Variants in DPYD observed in about 807,000 individuals in gnomAD.
DPYD encodes the protein dihydropyrimidine dehydrogenase [NADP(+)].
Under a neutral mutation model 116.2 loss-of-function variants are expected in DPYD, and 109 were observed. That is an observed-to-expected ratio of 0.94 (90% confidence interval 0.80 to 1.10). The LOEUF is 1.10. Ranked by LOEUF, DPYD falls within the 50% of genes least tolerant of loss-of-function variation. The pLI, the probability that DPYD is intolerant of heterozygous loss-of-function variation, is 0.00. For missense variants in DPYD, 1,302 were observed against 1,254.5 expected (o/e 1.04, Z -0.57); for synonymous variants, 440 against 432.0 (o/e 1.02, Z -0.23).
rs78501878 is a variant in DPYD at position 97,678,614 on chromosome 1, A to G, written c.850+481T>C. On this transcript the variant is annotated intron_variant, in intron 8 of 22. Coordinates refer to ENST00000370192, the MANE Select transcript of DPYD (RefSeq NM_000110.4). ...ACAGTGAGTGCCTCAGGAGTAATAC[A>G]CTGTCTATGGGACTTTCAGAACACT... 9.8e-5 allele frequency among the ~76,000 whole-genome samples: 15 copies of G among 152,334 alleles called. No homozygotes were observed. The East Asian group carries it at 2.7e-3, about 27-fold the overall frequency.
chr1:97,842,268 A>G (rs1286469770), intron 2 of DPYD, among the ~76,000 whole-genome samples: 2 of 151,986 alleles, frequency 1.3e-5, no homozygotes, highest in Non-Finnish European at 2.9e-5. Flanking sequence ...CTGAATAGCT[A>G]TATTGTTATC....
In DPYD at chr1:97,305,316, C is replaced by T. The variant is rs1404230861; in HGVS notation, c.2242G>A (p.Gly748Ser). 2 of 1,612,416 alleles carry T rather than the reference C, an allele frequency of 1.2e-6. No individual in the cohort carries two copies. Among genetic ancestry groups the T allele is most frequent in the Admixed American group, 3.3e-5 (2 of 59,834 alleles). ...VSGLMGLKSD[G>S]TPWPAVGIAK... is the part of the protein sequence containing the mutation. ...ATCCCCACTGCTGGCCAAGGTGTGC[C>T]ATCAGATTTTAATCCCATCAGACCT... Residue 748 changes from glycine to serine, a missense_variant, in exon 18 of 23, where the codon GGC (glycine) becomes AGC (serine). Transcript: ENST00000370192.
chr1:97,903,344 A>G (rs553284746), intron 1 of DPYD, among the ~76,000 whole-genome samples: 2 of 152,050 alleles, frequency 1.3e-5, no homozygotes, highest in East Asian at 3.9e-4. Context: ...CGAATGAATG[A>G]TAACCCCCTA....
intron 20 of DPYD, among the ~76,000 whole-genome samples, chr1:97,154,534 A>G (rs778157489): frequency 6.7e-6 from 1 of 148,174 alleles, no homozygotes; most frequent in Non-Finnish European, 1.5e-5. Flanking sequence ...AGGTGGGTAC[A>G]TTACTGGAGG....
chr1:97,362,973 A>G (rs2101439947), intron 16 of DPYD, among the ~76,000 whole-genome samples: 1 of 152,356 alleles, frequency 6.6e-6, no homozygotes, highest in Middle Eastern at 3.4e-3. Flanking sequence ...TAAACTAAAG[A>G]GCTTCTGCAC....
chr1:97,165,124 A>C (rs781661286), intron 20 of DPYD, among the ~76,000 whole-genome samples: 9 of 152,188 alleles, frequency 5.9e-5, no homozygotes, highest in Admixed American at 2.0e-4. Context: ...TAGCCAAGGC[A>C]ATCCTAAGCA....
intron 20 of DPYD, among the ~76,000 whole-genome samples, chr1:97,178,479 G>A (rs1420037759): frequency 1.3e-5 from 2 of 152,080 alleles, no homozygotes; most frequent in Non-Finnish European, 2.9e-5. Flanking sequence ...GAGTGAAGAG[G>A]GAAGAGCCCC....
At chr1:97,371,375 G>A (rs1458148271) in intron 16 of DPYD, among the ~76,000 whole-genome samples, 7 of 152,298 alleles carry the variant, frequency 4.6e-5, no homozygotes, top group African/African-American at 1.7e-4. Context: ...CAGATGAAAT[G>A]CAAGATCACA....
chr1:97,675,853 A>T (rs1019776193), intron 8 of DPYD, among the ~76,000 whole-genome samples: 1 of 150,654 alleles, frequency 6.6e-6, no homozygotes, highest in Non-Finnish European at 1.5e-5. Flanking sequence ...GGTTGAAGCG[A>T]TTCTCCTGCT....
intron 3 of DPYD, among the ~76,000 whole-genome samples, chr1:97,791,962 A>G (rs537821642): frequency 6.6e-6 from 1 of 152,322 alleles, no homozygotes; most frequent in African/African-American, 2.4e-5. Flanking sequence ...GAGTGCTCAT[A>G]ATATTTTGAG....
chr1:97,724,712 C>A (rs1052086230), intron 4 of DPYD, among the ~76,000 whole-genome samples: 1 of 151,434 alleles, frequency 6.6e-6, no homozygotes, highest in African/African-American at 2.4e-5. Flanking sequence ...CAATCTAATT[C>A]AAAAACACTC....
intron 10 of DPYD, among the ~76,000 whole-genome samples, chr1:97,574,932 T>C (rs1008271747): frequency 6.6e-6 from 1 of 152,274 alleles, no homozygotes; most frequent in Middle Eastern, 3.4e-3. Flanking sequence ...CTAAGAGTTA[T>C]CTGAGCTTTG....
chr1:97,331,015 A>G (rs1289459009), intron 16 of DPYD, among the ~76,000 whole-genome samples: 1 of 152,208 alleles, frequency 6.6e-6, no homozygotes, highest in East Asian at 1.9e-4. Flanking sequence ...AGCAAATGTA[A>G]TGCTGACATA....
In DPYD at chr1:97,139,631, A is replaced by AT. The variant is rs537113954; in HGVS notation, c.2623-41000dup. On this transcript the variant is annotated intron_variant, in intron 20 of 22. Transcript: ENST00000370192. ...TACCAGATATTTCTAGACTGAAAAG[A>AT]TTTTTTATGTTTACGAACAACAGAT... Among the ~76,000 whole-genome samples the AT allele has an allele frequency of 4.9e-3, 747 of 152,272 alleles. 10 individuals carry two copies. The highest frequency in any genetic ancestry group is 0.017 in the African/African-American group (706 of 41,554).
intron 13 of DPYD, among the ~76,000 whole-genome samples, chr1:97,489,708 A>G (rs1177513779): frequency 6.6e-6 from 1 of 152,190 alleles, no homozygotes; most frequent in Non-Finnish European, 1.5e-5. Context: ...ACATGCTACA[A>G]GAGTACTTGA....
chr1:97,510,382 T>C (rs193116836), intron 13 of DPYD, among the ~76,000 whole-genome samples: 27 of 152,142 alleles, frequency 1.8e-4, no homozygotes, highest in Middle Eastern at 3.4e-3. Flanking sequence ...TTCTCTTGAC[T>C]GTATCGTTTT....
At chr1:97,327,673 C>T (rs1280227506) in intron 16 of DPYD, among the ~76,000 whole-genome samples, 1 of 151,804 alleles carries the variant, frequency 6.6e-6, no homozygotes, top group South Asian at 2.1e-4. Context: ...CCCTATGTCA[C>T]TAAGCTTCTT....
chr1:97,860,585 A>C (rs1671066480), intron 2 of DPYD, among the ~76,000 whole-genome samples: 1 of 152,188 alleles, frequency 6.6e-6, no homozygotes, highest in Non-Finnish European at 1.5e-5. Context: ...GTACTGGACA[A>C]ATCTTTAAGT....
At chr1:97,751,460 G>GTATATATATA (rs1553233231) in intron 3 of DPYD, among the ~76,000 whole-genome samples, 400 of 21,202 alleles carry the variant, frequency 0.019, 29 homozygotes, top group African/African-American at 0.029. Flanking sequence ...GTGTGTGTGT[G>GTATATATATA]TATATATATA....
Sources: allele counts gnomAD v4.1 joint callset (sites outside exome capture counted in the v4.1 genomes callset), GRCh38; gene constraint gnomAD v4.1.1; transcripts MANE v1.5; gene names NCBI Gene and HGNC (gene_info 2026-07-23, HGNC 2026-07-21).